Variants in SLC44A5 observed in about 807,000 individuals in gnomAD.
SLC44A5 encodes the protein solute carrier family 44 member 5.
A neutral mutation model predicts 101.8 loss-of-function variants in SLC44A5; 57 were observed. The ratio of observed to expected loss-of-function variants is 0.56; its 90% CI spans 0.45 to 0.70. The LOEUF (loss-of-function observed/expected upper bound fraction) is 0.70, where lower values mean the gene tolerates loss of function less well. Among genes scored for constraint, SLC44A5 ranks in the 30% least tolerant of loss-of-function variants. SLC44A5 has a pLI of 0.00. For synonymous variants in SLC44A5, 281 were observed against 290.9 expected, an observed-to-expected ratio of 0.97 and a Z score of 0.35; for missense variants, 737 against 853.1, an observed-to-expected ratio of 0.86 and a Z score of 1.70.
the SLC44A5 span, among the ~76,000 whole-genome samples, chr1:75,697,614 G>A: frequency 6.6e-6 from 1 of 152,160 alleles, no homozygotes; most frequent in East Asian, 1.9e-4. Context: ...CGGCGAAACT[G>A]TCTCTACAAA....
intron 3 of SLC44A5, among the ~76,000 whole-genome samples, chr1:75,376,615 G>GCTCA (rs1448770281): frequency 1.3e-5 from 2 of 151,912 alleles, no homozygotes; most frequent in Non-Finnish European, 2.9e-5. Context: ...CTGCAGCTGA[G>GCTCA]GGTCCTGTCT....
rs1664801838 is a variant in SLC44A5 at position 75,434,895 on chromosome 1, C to A, written c.14-38274G>T. ...CTGTAAGGAGTAATTGCTTCCCTCT[C>A]ATGTACCCTGGCACTTTGTACTTCC... is the stretch of plus-strand genomic sequence containing the variant. On this transcript the variant is annotated intron_variant, in intron 2 of 23. Transcript: ENST00000370859. Among the ~76,000 whole-genome samples, 2 of 152,146 alleles carry A rather than the reference C, an allele frequency of 1.3e-5. 1 individual carries two copies. The highest frequency in any genetic ancestry group is 4.1e-4 in the South Asian group (2 of 4,826).
chr1:75,564,267 T>C (rs967964315), intron 1 of SLC44A5, among the ~76,000 whole-genome samples: 2 of 152,204 alleles, frequency 1.3e-5, no homozygotes, highest in African/African-American at 4.8e-5. Flanking sequence ...TTGGGAGAAT[T>C]AATTTCAAAT....
intron 4 of SLC44A5, among the ~76,000 whole-genome samples, chr1:75,303,826 G>A (rs1358921619): frequency 6.6e-6 from 1 of 152,018 alleles, no homozygotes; most frequent in Non-Finnish European, 1.5e-5. Flanking sequence ...GAGAGGGGAG[G>A]GATAGCATTA....
chr1:75,686,681 A>T, the SLC44A5 span, among the ~76,000 whole-genome samples: 1 of 152,234 alleles, frequency 6.6e-6, no homozygotes, highest in Non-Finnish European at 1.5e-5. Flanking sequence ...TATTATTTGC[A>T]TTTTAAAAGG....
At chr1:75,362,112 T>C (rs997952845) in intron 3 of SLC44A5, among the ~76,000 whole-genome samples, 1 of 152,040 alleles carries the variant, frequency 6.6e-6, no homozygotes. Flanking sequence ...CATAGCAGTT[T>C]CTTATGATCC....
At chr1:75,249,762 C>CAGT (rs1649406980) in intron 7 of SLC44A5, among the ~76,000 whole-genome samples, 1 of 152,142 alleles carries the variant, frequency 6.6e-6, no homozygotes. Context: ...GAGTTAAAAA[C>CAGT]AGTACTACAT....
intron 2 of SLC44A5, among the ~76,000 whole-genome samples, chr1:75,534,708 T>A (rs1670900948): frequency 6.6e-6 from 1 of 152,220 alleles, no homozygotes; most frequent in African/African-American, 2.4e-5. Flanking sequence ...AGTCCTGAAA[T>A]AACTTCCATT....
At chr1:75,444,656 A>C (rs1665442713) in intron 2 of SLC44A5, among the ~76,000 whole-genome samples, 1 of 152,040 alleles carries the variant, frequency 6.6e-6, no homozygotes, top group Non-Finnish European at 1.5e-5. Flanking sequence ...TGGTAGTGAT[A>C]GATGCAGCAA....
intron 2 of SLC44A5, among the ~76,000 whole-genome samples, chr1:75,456,967 C>G (rs947958396): frequency 2.6e-5 from 4 of 152,178 alleles, no homozygotes; most frequent in African/African-American, 9.7e-5. Flanking sequence ...ATGGGAGAAA[C>G]AGCCTGTTAT....
At chr1:75,553,883 CAGGAGGAGGAGG>C (rs57453178) in intron 1 of SLC44A5, among the ~76,000 whole-genome samples, 6 of 149,776 alleles carry the variant, frequency 4.0e-5, no homozygotes, top group Admixed American at 6.7e-5. Flanking sequence ...CCTTGTGGAG[CAGGAGGAGGAGG>C]AGGAGGAGGA....
the SLC44A5 span, among the ~76,000 whole-genome samples, chr1:75,683,702 C>T: frequency 3.3e-5 from 5 of 151,828 alleles, no homozygotes; most frequent in African/African-American, 9.7e-5. Context: ...CACATGTATA[C>T]GTATGTAACT....
chr1:75,306,561 CA>C lies in SLC44A5; in HGVS notation c.102-5877del, dbSNP rs908893660. 3.4e-4 allele frequency among the ~76,000 whole-genome samples: 49 copies of C among 144,712 alleles called. 1 individual carries two copies. The highest frequency in any genetic ancestry group is 8.9e-4 in the Admixed American group (13 of 14,546). The allele number at this position is 144,712 out of a possible 152,430, so 94.9% of individuals were successfully genotyped here. On this transcript the variant is annotated intron_variant, in intron 4 of 23. Coordinates refer to ENST00000370859, the MANE Select transcript of SLC44A5 (RefSeq NM_001130058.2). The stretch of plus-strand genomic sequence containing the variant: ...TAAATCACTAAAAAACAAATGCAAA[CA>C]AAAAAAAAACCAATTAGATTTAATT...
intron 2 of SLC44A5, among the ~76,000 whole-genome samples, chr1:75,430,816 A>G (rs1438947236): frequency 6.6e-6 from 1 of 152,204 alleles, no homozygotes; most frequent in African/African-American, 2.4e-5. Context: ...GGGCAGCAAT[A>G]CATTTTAGAA....
intron 12 of SLC44A5, among the ~76,000 whole-genome samples, chr1:75,233,406 TACTC>T: frequency 6.6e-6 from 1 of 151,692 alleles, no homozygotes; most frequent in Non-Finnish European, 1.5e-5. Context: ...CGTCCACGTG[TACTC>T]ATTATTTAGC....
the SLC44A5 span, among the ~76,000 whole-genome samples, chr1:75,632,587 C>T: frequency 7.0e-6 from 1 of 142,122 alleles, no homozygotes; most frequent in Non-Finnish European, 1.5e-5. Flanking sequence ...AATCTCATTG[C>T]AGAATGACTA....
chr1:75,506,103 A>G (rs773492835), intron 2 of SLC44A5, among the ~76,000 whole-genome samples: 2 of 152,154 alleles, frequency 1.3e-5, no homozygotes, highest in Non-Finnish European at 2.9e-5. Context: ...TTTATTGAAT[A>G]GGAAGTCCTT....
chr1:75,360,143 T>C (rs1017835110), intron 3 of SLC44A5, among the ~76,000 whole-genome samples: 1 of 152,196 alleles, frequency 6.6e-6, no homozygotes, highest in Admixed American at 6.5e-5. Flanking sequence ...TGTTAATTAC[T>C]TCCTTTACTG....
At chr1:75,480,802 C>G (rs1051472257) in intron 2 of SLC44A5, among the ~76,000 whole-genome samples, 2 of 152,166 alleles carry the variant, frequency 1.3e-5, no homozygotes, top group Admixed American at 1.3e-4. Flanking sequence ...TAGAAAGAAT[C>G]AACATTGTGA....
Sources: allele counts gnomAD v4.1 joint callset (sites outside exome capture counted in the v4.1 genomes callset), GRCh38; gene constraint gnomAD v4.1.1; transcripts MANE v1.5; gene names NCBI Gene and HGNC (gene_info 2026-07-23, HGNC 2026-07-21).